RABEP1: variants seen among roughly 807,000 people sequenced by gnomAD.
The protein encoded by RABEP1 is rab GTPase-binding effector protein 1.
Under a neutral mutation model 123.4 loss-of-function variants are expected in RABEP1, and 51 were observed. The observed-to-expected ratio is 0.41, with a 90% CI of 0.33 to 0.52. RABEP1 has a LOEUF of 0.52. Among genes scored for constraint, RABEP1 ranks in the 20% least tolerant of loss-of-function variants. The probability of loss-of-function intolerance (pLI) is 0.16; values close to 1 mark genes in which losing one functional copy is unlikely to be tolerated. For missense variants in RABEP1, 888 were observed against 996.3 expected (o/e 0.89, Z 1.46); for synonymous variants, 347 against 355.2 (o/e 0.98, Z 0.26).
Position 5,332,287 on chromosome 17 carries a change from C to CT in RABEP1, c.367+138dup. 3.7e-6 allele frequency: 3 copies of CT among 805,460 alleles called. No individual in the cohort carries two copies. The South Asian group carries it at 5.6e-5, about 15-fold the overall frequency. 49.9% of individuals were successfully genotyped at this position (805,460 alleles called of 1,614,324 possible). A position where few individuals can be genotyped will look rare whatever the true frequency, so the allele number is the denominator to read the frequency against. ...TATGTACTGTCATCATCAAGATATA[C>CT]TTTCAGATAAAAGAGAAGTCACTAA... On this transcript the variant is annotated intron_variant, in intron 3 of 17. Transcript: ENST00000537505.
At chr17:5,372,524 C>G (rs1287693354) in intron 12 of RABEP1, among the ~76,000 whole-genome samples, 3 of 152,204 alleles carry the variant, frequency 2.0e-5, no homozygotes, top group Non-Finnish European at 2.9e-5. Context: ...CTTCCAGTAT[C>G]TGGGCCTGCT....
intron 2 of RABEP1, among the ~76,000 whole-genome samples, chr17:5,312,037 T>G (rs2075248294): frequency 6.6e-6 from 1 of 152,238 alleles, no homozygotes; most frequent in South Asian, 2.1e-4. Context: ...AGCTAACAAC[T>G]GAATTAGGTC....
chr17:5,373,231 T>G, intron 12 of RABEP1, 83 bp from the exon 13 acceptor site: 1 of 1,363,478 alleles, frequency 7.3e-7, no homozygotes, highest in Non-Finnish European at 1.0e-6. Flanking sequence ...ACTCCTTTAG[T>G]TTGGACTTGT....
chr17:5,284,911 C>T (rs2074962956), intron 1 of RABEP1, among the ~76,000 whole-genome samples: 1 of 150,486 alleles, frequency 6.6e-6, no homozygotes, highest in Non-Finnish European at 1.5e-5. Flanking sequence ...AGATAACTAA[C>T]TGCTTAGTCT....
chr17:5,319,342 CAAAA>C (rs1350083725), intron 2 of RABEP1, among the ~76,000 whole-genome samples: 36 of 89,026 alleles, frequency 4.0e-4, no homozygotes, highest in Non-Finnish European at 3.2e-4. Context: ...AAAAAAAAAA[CAAAA>C]AAACAAAAAA....
At chr17:5,357,237 T>TC (rs1172346287) in intron 8 of RABEP1, among the ~76,000 whole-genome samples, 1 of 152,184 alleles carries the variant, frequency 6.6e-6, no homozygotes, top group Non-Finnish European at 1.5e-5. Context: ...GCAAATTTTT[T>TC]CCCCAACTTA....
At chr17:5,365,035 T>G in intron 10 of RABEP1, 87 bp from the exon 11 acceptor site, 1 of 797,190 alleles carries the variant, frequency 1.3e-6, no homozygotes, top group Non-Finnish European at 2.0e-6. Flanking sequence ...ATAAGAGATT[T>G]TTTTTTAAAA....
At position 5,308,792 on chromosome 17, in the gene RABEP1, A is replaced by G; in HGVS notation, c.133A>G (p.Lys45Glu). The G allele has an allele frequency of 9.3e-6, 15 of 1,610,628 alleles. No homozygotes were observed. The highest frequency in any genetic ancestry group is 1.2e-5 in the Non-Finnish European group (14 of 1,177,670). Residue 45 changes from lysine to glutamate, a missense_variant, in exon 2 of 18, where the codon AAA (lysine) becomes GAA (glutamate). Physicochemically the swap from Lys to Glu is moderately conservative, Grantham distance 56. Transcript: ENST00000537505. ...ACAAGAATTTAATCAAAAGAGAGCA[A>G]AATTTAAGGAGTTATATTTGGCTAA... ...LEQEFNQKRA[K>E]FKELYLAKEE...
intron 1 of RABEP1, among the ~76,000 whole-genome samples, chr17:5,295,491 A>C (rs199536314): frequency 6.6e-6 from 1 of 151,496 alleles, no homozygotes; most frequent in South Asian, 2.1e-4. Context: ...TATTGTTTTT[A>C]TTTTTTTCTA....
chr17:5,291,238 G>A (rs146653574), intron 1 of RABEP1, among the ~76,000 whole-genome samples: 7,712 of 151,942 alleles, frequency 0.051, 334 homozygotes, highest in African/African-American at 0.12. Flanking sequence ...GTGAAACCCC[G>A]TCTCTACTAA....
At chr17:5,376,134 G>A (rs190633530) in intron 13 of RABEP1, among the ~76,000 whole-genome samples, 15 of 152,184 alleles carry the variant, frequency 9.9e-5, no homozygotes, top group East Asian at 7.7e-4. Flanking sequence ...TAGCCACCGC[G>A]CCTGCCTAGT....
chr17:5,368,049 A>G (rs1057429223), intron 11 of RABEP1, among the ~76,000 whole-genome samples: 9 of 151,708 alleles, frequency 5.9e-5, no homozygotes, highest in African/African-American at 1.9e-4. Context: ...AAGCCACTGC[A>G]CCCAGCCTGA....
intron 15 of RABEP1, 80 bp from the exon 16 acceptor site, chr17:5,380,284 C>G: frequency 1.1e-6 from 1 of 935,826 alleles, no homozygotes. Context: ...GTGTAATTCT[C>G]CAGGCTCTAG....
chr17:5,306,609 C>T (rs769063873), intron 1 of RABEP1, among the ~76,000 whole-genome samples: 20 of 144,834 alleles, frequency 1.4e-4, no homozygotes, highest in Non-Finnish European at 4.5e-5. Flanking sequence ...GCCTGGGTGA[C>T]AGAGTGAGAC....
chr17:5,377,450 C>T lies in RABEP1; in HGVS notation c.2215+145C>T, dbSNP rs1911084463. 8.4e-6 allele frequency: 4 copies of T among 477,838 alleles called. No individual in the cohort carries two copies. The East Asian group carries it at 1.1e-4, about 13-fold the overall frequency. The allele number at this position is 477,838 out of a possible 1,614,324, so 29.6% of individuals were successfully genotyped here. A position where few individuals can be genotyped will look rare whatever the true frequency, so the allele number is the denominator to read the frequency against. ...ACTCAGTCCATTTTTTGTAGATATTCTGATATATTCAGATTCTGAATATAT... is the reference window on the plus strand; with the variant it reads ...ACTCAGTCCATTTTTTGTAGATATTTTGATATATTCAGATTCTGAATATAT... On this transcript the variant is annotated intron_variant, in intron 14 of 17. Coordinates refer to ENST00000537505, the MANE Select transcript of RABEP1 (RefSeq NM_004703.6).
intron 9 of RABEP1, 55 bp downstream of exon 9, chr17:5,361,730 G>T: frequency 7.0e-7 from 1 of 1,432,982 alleles, no homozygotes; most frequent in Non-Finnish European, 9.5e-7. Flanking sequence ...ACACTGGGAA[G>T]CTCTGGGATT....
At chr17:5,316,268 T>C (rs2585293) in intron 2 of RABEP1, among the ~76,000 whole-genome samples, 151,405 of 151,844 alleles carry the variant, frequency 1, 75,485 homozygotes, top group East Asian at 1. Context: ...CTGGGAAACA[T>C]GGTGAAACCG....
intron 1 of RABEP1, among the ~76,000 whole-genome samples, chr17:5,289,243 ATC>A (rs2075009426): frequency 7.1e-6 from 1 of 140,508 alleles, no homozygotes; most frequent in Non-Finnish European, 1.5e-5. Flanking sequence ...GTCTGTTTAT[ATC>A]TGTTTCCCAT....
intron 7 of RABEP1, among the ~76,000 whole-genome samples, chr17:5,352,798 T>C (rs886614524): frequency 5.3e-5 from 8 of 152,048 alleles, no homozygotes; most frequent in African/African-American, 1.9e-4. Flanking sequence ...ATCACTGCAC[T>C]CCAGCCTGGG....
Sources: allele counts gnomAD v4.1 joint callset (sites outside exome capture counted in the v4.1 genomes callset), GRCh38; gene constraint gnomAD v4.1.1; transcripts MANE v1.5; gene names NCBI Gene and HGNC (gene_info 2026-07-23, HGNC 2026-07-21).